Variants in ADGRB1 observed in about 807,000 individuals in gnomAD.
The protein encoded by ADGRB1 is adhesion G protein-coupled receptor B1, also known as brain-specific angiogenesis inhibitor 1.
In ADGRB1, 36 loss-of-function variants were observed where a neutral mutation model predicts 175.7. The ratio of observed to expected loss-of-function variants is 0.20; its 90% CI spans 0.16 to 0.27. The LOEUF (loss-of-function observed/expected upper bound fraction) is 0.27, where lower values mean the gene tolerates loss of function less well. ADGRB1 is among the 10% of genes least tolerant of loss of function. The pLI, the probability that ADGRB1 is intolerant of heterozygous loss-of-function variation, is 1.00. For synonymous variants in ADGRB1, 1,054 were observed against 979.4 expected, an observed-to-expected ratio of 1.08 and a Z score of -1.42; for missense variants, 1,731 against 2,255.3, an observed-to-expected ratio of 0.77 and a Z score of 4.71.
rs1845469646 is a variant in ADGRB1, at chr8:142,544,395, T to G, written c.4733T>G (p.Ile1578Ser). The G allele has an allele frequency of 6.6e-7, 1 of 1,510,940 alleles. No homozygotes were observed. Among genetic ancestry groups the G allele is most frequent in the Admixed American group, 2.1e-5 (1 of 46,584 alleles). 93.6% of individuals were successfully genotyped at this position (1,510,940 alleles called of 1,614,324 possible). A position where few individuals can be genotyped will look rare whatever the true frequency, so the allele number is the denominator to read the frequency against. Residue 1578 changes from isoleucine (I) to serine (S), a missense_variant, in exon 31 of 31, where the codon ATC (isoleucine) becomes AGC (serine). Ile to Ser is a moderately radical substitution (Grantham distance 142). Coordinates refer to ENST00000517894, the MANE Select transcript of ADGRB1 (RefSeq NM_001702.3). ...ATCCCGCTGGTGGGCCAGGACATCA[T>G]CGACCTCCAGACCGAGGTCTGAGCG... is the stretch of plus-strand genomic sequence containing the variant. Reference protein sequence around the residue: ...ATIPLVGQDIIDLQTEV With the variant: ...ATIPLVGQDISDLQTEV
At chr8:142,453,121 G>GCCGGC (rs748420969) in intron 1 of ADGRB1, among the ~76,000 whole-genome samples, 12 of 147,852 alleles carry the variant, frequency 8.1e-5, no homozygotes, top group African/African-American at 1.2e-4. Flanking sequence ...AGCCCCCCTC[G>GCCGGC]CCGGCCCGGC....
In ADGRB1 at chr8:142,492,285, C is replaced by A. The variant is rs541087867; in HGVS notation, c.2675+1470C>A. On this transcript the variant is annotated intron_variant, in intron 17 of 30. Transcript: ENST00000517894. This position sits in a 1 kb window ranked among gnomAD's most constrained non-coding sequence, Gnocchi z 4.4. ...CCACTGCTCACCACCCTTCCTCCGG[C>A]GGTCACTACCCTCTGATGGGCACTA... Among the ~76,000 whole-genome samples the A allele has an allele frequency of 6.6e-6, 1 of 152,180 alleles. No individual in the cohort carries two copies. Among genetic ancestry groups the A allele is most frequent in the African/African-American group, 2.4e-5 (1 of 41,438 alleles).
chr8:142,477,894 G>C (rs1180416157), intron 6 of ADGRB1, among the ~76,000 whole-genome samples: 3 of 144,118 alleles, frequency 2.1e-5, no homozygotes, highest in Non-Finnish European at 4.6e-5. Flanking sequence ...GCCCCAGGGT[G>C]TTCTCACCCA....
At position 142,544,569 on chromosome 8, in the gene ADGRB1, G is replaced by T; in HGVS notation, c.*152G>T. 2 of 915,678 alleles carry T rather than the reference G, an allele frequency of 2.2e-6. No individual in the cohort carries two copies. Among genetic ancestry groups the T allele is most frequent in the Non-Finnish European group, 3.0e-6 (2 of 663,212 alleles). 56.7% of individuals were successfully genotyped at this position (915,678 alleles called of 1,614,324 possible). A position where few individuals can be genotyped will look rare whatever the true frequency, so the allele number is the denominator to read the frequency against. ...CAGACGGCGGCCAGGCACAGGGCCC[G>T]CAGTGCTGGGACCAGAGCCAGATGC... On this transcript the variant is annotated 3_prime_UTR_variant, in exon 31 of 31. Coordinates refer to ENST00000517894, the MANE Select transcript of ADGRB1 (RefSeq NM_001702.3).
At position 142,476,669 on chromosome 8, in the gene ADGRB1, A is replaced by T; in HGVS notation, c.1031A>T (p.Gln344Leu). The change falls in exon 4 of 31, where the codon CAG becomes CTG. Residue 344 changes from glutamine to leucine, a missense_variant. By Grantham distance (113) the Gln-to-Leu change is moderately radical. Transcript: ENST00000517894. ...GAGGAGCTGGGGGACGAGCTGCAGC[A>T]GTTTGGGTTCCCAGCCCCCCAGACC... Reference protein sequence around the residue: ...RREELGDELQQFGFPAPQTGD... With the variant: ...RREELGDELQLFGFPAPQTGD... 6.5e-7 allele frequency: 1 copy of T among 1,547,222 alleles called. No homozygotes were observed.
Position 142,476,586 on chromosome 8 carries a change from C to T in ADGRB1, c.948C>T (p.Pro316=), listed in dbSNP as rs1194650343. 1.2e-5 allele frequency: 18 copies of T among 1,548,664 alleles called. No homozygotes were observed. The highest frequency in any genetic ancestry group is 1.8e-4 in the Middle Eastern group (1 of 5,458). The part of the protein sequence containing the change: ...GRQCNREACG[P]AGRTSSRSQS... The stretch of plus-strand genomic sequence containing the variant: ...TGCTGACCTAAGCCCGTCCTGCAGC[C>T]GCTGGGCGCACCAGCTCCCGGAGCC... Residue 316 remains proline (P), a splice_region_variant and synonymous_variant, in exon 4 of 31, where the codon CCC becomes CCT. Coordinates refer to ENST00000517894, the MANE Select transcript of ADGRB1 (RefSeq NM_001702.3).
chr8:142,539,391 C>T lies in ADGRB1; in HGVS notation c.3684C>T (p.Asp1228=), dbSNP rs369723116. 43 of 1,598,060 alleles carry T rather than the reference C, an allele frequency of 2.7e-5. 2 individuals carry two copies. The highest frequency in any genetic ancestry group is 2.6e-4 in the South Asian group (23 of 87,998). Reference sequence around the variant, plus strand: ...TCCTACAGACCGACTTCGAGAAGGACGTGGATCTGGCCTGTAGATCAGGTG... The same window carrying T: ...TCCTACAGACCGACTTCGAGAAGGATGTGGATCTGGCCTGTAGATCAGGTG... ...HAQLMTDFEK[D]VDLACRSVLN... Residue 1228 remains aspartate (D), a synonymous_variant, in exon 27 of 31, where the codon GAC becomes GAT. Transcript: ENST00000517894.
intron 9 of ADGRB1, 75 bp downstream of exon 9, chr8:142,479,869 T>C: frequency 6.8e-7 from 1 of 1,463,620 alleles, no homozygotes; most frequent in Non-Finnish European, 9.3e-7. Context: ...TGAGGTGCTG[T>C]CAGCACTGGG....
chr8:142,486,055 G>A (rs2131855179), intron 13 of ADGRB1, among the ~76,000 whole-genome samples: 1 of 152,282 alleles, frequency 6.6e-6, no homozygotes. Context: ...GATGAAATTG[G>A]GGATTCAATT....
Position 142,488,417 on chromosome 8 carries a change from A to T in ADGRB1, c.2362A>T (p.Met788Leu), listed in dbSNP as rs771987258. Residue 788 changes from methionine (M) to leucine (L), a missense_variant, in exon 14 of 31, where the codon ATG becomes TTG. Met to Leu is a conservative substitution (Grantham distance 15). This residue lies in a region of ADGRB1 where 388 missense variants were observed against 630.9 expected (regional missense o/e 0.61). Transcript: ENST00000517894. ...ASGATDISFP[M>L]KGWRATGDWA... ...CGGAGCCACTGACATCAGCTTCCCC[A>T]TGAAGGGCTGGCGGGCCACGGGTGA... 6.2e-7 allele frequency: 1 copy of T among 1,613,204 alleles called. No individual in the cohort carries two copies. The highest frequency in any genetic ancestry group is 1.7e-5 in the Admixed American group (1 of 60,030).
chr8:142,489,083 A>G lies in ADGRB1; in HGVS notation c.2501A>G (p.Asn834Ser). 6.2e-7 allele frequency: 1 copy of G among 1,609,772 alleles called. No individual in the cohort carries two copies. Among genetic ancestry groups the G allele is most frequent in the Middle Eastern group, 1.7e-4 (1 of 6,052 alleles). The change falls in exon 15 of 31, where the codon AAC becomes AGC. Residue 834 changes from asparagine (N) to serine (S), a missense_variant. Asn to Ser is a conservative substitution (Grantham distance 46, BLOSUM62 1). Transcript: ENST00000517894. ...GTGGTGGGCACCGTGCTCTACAGGA[A>G]CCTGGGCAGCTTCCTGGCCCTGCAG... ...VFVVGTVLYRNLGSFLALQRN... is the reference protein window; with the variant it reads ...VFVVGTVLYRSLGSFLALQRN...
rs960650237 is a variant in ADGRB1 at position 142,537,769 on chromosome 8, C to T, written c.3666+687C>T. 2.6e-5 allele frequency among the ~76,000 whole-genome samples: 4 copies of T among 152,156 alleles called. No individual in the cohort carries two copies. The highest frequency in any genetic ancestry group is 9.7e-5 in the African/African-American group (4 of 41,428). On this transcript the variant is annotated intron_variant, in intron 26 of 30. Coordinates refer to ENST00000517894, the MANE Select transcript of ADGRB1 (RefSeq NM_001702.3). This position sits in a 1 kb window ranked among gnomAD's most constrained non-coding sequence, Gnocchi z 4.6. ...ACGCACAGGTCCTGGGAGGGCGGCCCAAGTGGCGGTTCCTACGTAAGGGCC... is the reference window on the plus strand; with the variant it reads ...ACGCACAGGTCCTGGGAGGGCGGCCTAAGTGGCGGTTCCTACGTAAGGGCC...
At chr8:142,522,510 C>T (rs1291074774) in intron 21 of ADGRB1, 131 bp from the exon 22 acceptor site, 5 of 902,400 alleles carry the variant, frequency 5.5e-6, no homozygotes, top group Non-Finnish European at 6.6e-6. Context: ...ATCTCTTGCT[C>T]AGCCCCATCC....
chr8:142,526,897 C>T (rs550245754), intron 24 of ADGRB1, among the ~76,000 whole-genome samples: 5 of 152,326 alleles, frequency 3.3e-5, no homozygotes, highest in African/African-American at 9.6e-5. Context: ...TGCAGGGACA[C>T]CCCGCCTCTG....
rs187682285 is a variant in ADGRB1, at chr8:142,541,056, C to T, written c.3707-885C>T. ...ACACAGGCACCCAGGGCTGGCTTGG[C>T]GTGGTGGGTAACCATCTGCCAGCCT... On this transcript the variant is annotated intron_variant, in intron 27 of 30. Transcript: ENST00000517894. Among the ~76,000 whole-genome samples, 252 of 152,060 alleles carry T rather than the reference C, an allele frequency of 1.7e-3. 1 individual carries two copies. Among genetic ancestry groups the T allele is most frequent in the African/African-American group, 5.5e-3 (230 of 41,480 alleles).
rs538061757 is a variant in ADGRB1 at position 142,479,495 on chromosome 8, C to T, written c.1726+8C>T. The T allele has an allele frequency of 1.3e-6, 2 of 1,535,438 alleles. No individual in the cohort carries two copies. The highest frequency in any genetic ancestry group is 2.3e-5 in the Admixed American group (1 of 43,040). The stretch of plus-strand genomic sequence containing the variant: ...GCACCCAGCGGTGTCCCGGTGAGGC[C>T]CCTCCTACCTGGGCTGGGCTCTGGG... On this transcript the variant is annotated splice_region_variant and intron_variant, in intron 8 of 30. Transcript: ENST00000517894.
intron 16 of ADGRB1, among the ~76,000 whole-genome samples, chr8:142,490,145 A>T (rs1841916837): frequency 6.6e-6 from 1 of 152,162 alleles, no homozygotes; most frequent in Admixed American, 6.5e-5. Flanking sequence ...TGTCCTTTCT[A>T]GCTGTGTGAC....
intron 18 of ADGRB1, among the ~76,000 whole-genome samples, chr8:142,514,664 G>A (rs942953121): frequency 9.9e-5 from 15 of 152,146 alleles, no homozygotes; most frequent in Non-Finnish European, 1.9e-4. Context: ...GTTAGGTTCA[G>A]GGGTGTGATC....
At position 142,542,735 on chromosome 8, in the gene ADGRB1, C is replaced by A; in HGVS notation, c.4413+88C>A. On this transcript the variant is annotated intron_variant, in intron 28 of 30. Transcript: ENST00000517894. This position sits in a 1 kb window ranked among gnomAD's most constrained non-coding sequence, Gnocchi z 6.3. Reference sequence around the variant, plus strand: ...ACCCCTGCTGGGTGGGACCCCCACGCCGTCAGCGGGGCGGGCTGGCTCTGC... The same window carrying A: ...ACCCCTGCTGGGTGGGACCCCCACGACGTCAGCGGGGCGGGCTGGCTCTGC... The A allele has an allele frequency of 7.9e-7, 1 of 1,258,540 alleles. No individual in the cohort carries two copies. The highest frequency in any genetic ancestry group is 1.1e-6 in the Non-Finnish European group (1 of 933,806). The allele number at this position is 1,258,540 out of a possible 1,614,324, so 78.0% of individuals were successfully genotyped here. A position where few individuals can be genotyped will look rare whatever the true frequency, so the allele number is the denominator to read the frequency against.
Sources: gnomAD v4.1 joint callset for allele counts (sites outside exome capture counted in the v4.1 genomes callset) on GRCh38, gnomAD v4.1.1 for gene constraint, gnomAD v4.1.1 regional missense constraint, Gnocchi (gnomAD v3.1) non-coding constraint, MANE v1.5 for transcripts, NCBI Gene and HGNC (gene_info 2026-07-23, HGNC 2026-07-21) for gene names.